The following GRIK1 variants were observed in gnomAD, a reference collection of about 807,000 sequenced individuals.
GRIK1 encodes glutamate ionotropic receptor kainate type subunit 1, also known as glutamate receptor ionotropic, kainate 1.
A neutral mutation model predicts 105.7 loss-of-function variants in GRIK1; 69 were observed. That is an observed-to-expected ratio of 0.65 (90% CI 0.54 to 0.80). The LOEUF (loss-of-function observed/expected upper bound fraction) is 0.80, where lower values mean the gene tolerates loss of function less well. GRIK1 is among the 30% of genes least tolerant of loss of function. The pLI, the probability that GRIK1 is intolerant of heterozygous loss-of-function variation, is 0.00. For synonymous variants in GRIK1, 438 were observed against 431.3 expected, an observed-to-expected ratio of 1.02 and a Z score of -0.19; for missense variants, 1,109 against 1,167.3, an observed-to-expected ratio of 0.95 and a Z score of 0.73.
chr21:29,549,675 A>G lies in GRIK1; in HGVS notation c.2607+5377T>C, dbSNP rs549663207. Among the ~76,000 whole-genome samples, 4 of 150,744 alleles carry G rather than the reference A, an allele frequency of 2.7e-5. No homozygotes were observed. The South Asian group carries it at 8.3e-4, about 31-fold the overall frequency. On this transcript the variant is annotated intron_variant, in intron 16 of 17. Transcript: ENST00000327783. Reference sequence around the variant, plus strand: ...ATGTAAACATAAAGCTTGAAAAAAAAATTGTTTTCCTTTCATATTCAAGTC... The same window carrying G: ...ATGTAAACATAAAGCTTGAAAAAAAGATTGTTTTCCTTTCATATTCAAGTC...
At chr21:29,812,877 C>T (rs552794056) in intron 1 of GRIK1, among the ~76,000 whole-genome samples, 4 of 152,284 alleles carry the variant, frequency 2.6e-5, no homozygotes, top group Non-Finnish European at 4.4e-5. Flanking sequence ...CATTTGACAT[C>T]TCCTTTAAGC....
In GRIK1 at chr21:29,549,785, T is replaced by C. The variant is rs143756350; in HGVS notation, c.2607+5267A>G. 8.3e-3 allele frequency among the ~76,000 whole-genome samples: 1,263 copies of C among 152,200 alleles called. 19 individuals carry two copies. The highest frequency in any genetic ancestry group is 0.029 in the African/African-American group (1,206 of 41,524). On this transcript the variant is annotated intron_variant, in intron 16 of 17. Transcript: ENST00000327783. The stretch of plus-strand genomic sequence containing the variant: ...CATCCATTGACATGATGGCAAGAAC[T>C]GGTTGAGAATCAGTATAAAGGGAGA...
At chr21:29,908,208 ACT>A (rs1305195906) in intron 1 of GRIK1, among the ~76,000 whole-genome samples, 3 of 151,412 alleles carry the variant, frequency 2.0e-5, no homozygotes, top group Non-Finnish European at 4.4e-5. Flanking sequence ...TGCAAATCTT[ACT>A]CTTATAATTT....
At chr21:29,564,187 G>T (rs940814448) in intron 14 of GRIK1, among the ~76,000 whole-genome samples, 3 of 151,496 alleles carry the variant, frequency 2.0e-5, no homozygotes, top group Non-Finnish European at 4.4e-5. Context: ...TCGCTCTGTC[G>T]CCCAGGCTGG....
chr21:29,598,055 G>A (rs924516158), intron 8 of GRIK1, among the ~76,000 whole-genome samples: 2 of 152,120 alleles, frequency 1.3e-5, no homozygotes, highest in African/African-American at 2.4e-5. Flanking sequence ...GATTGCTTTG[G>A]GGGTTTCAAT....
intron 1 of GRIK1, 85 bp downstream of exon 1, chr21:29,939,298 C>G (rs1045571080): frequency 1.0e-5 from 8 of 785,432 alleles, no homozygotes; most frequent in Non-Finnish European, 1.5e-5. Flanking sequence ...CGCCGCCGCG[C>G]GCTGCCTCGC....
intron 1 of GRIK1, among the ~76,000 whole-genome samples, chr21:29,775,666 C>A (rs2065925527): frequency 6.6e-6 from 1 of 152,174 alleles, no homozygotes. Context: ...CAACTGTGTG[C>A]TATTTTGCTG....
At chr21:29,692,358 G>A (rs535069293) in intron 2 of GRIK1, among the ~76,000 whole-genome samples, 44 of 152,296 alleles carry the variant, frequency 2.9e-4, no homozygotes, top group African/African-American at 1.0e-3. Flanking sequence ...AGAGAGCGAT[G>A]AGAGAAAGAA....
chr21:29,614,325 T>C (rs1052656558), intron 7 of GRIK1, among the ~76,000 whole-genome samples: 3 of 151,948 alleles, frequency 2.0e-5, no homozygotes, highest in African/African-American at 7.3e-5. Context: ...TAGTTATAAC[T>C]TGCTTTGTGT....
At chr21:29,614,506 C>T (rs915778862) in intron 7 of GRIK1, among the ~76,000 whole-genome samples, 10 of 146,764 alleles carry the variant, frequency 6.8e-5, no homozygotes, top group East Asian at 6.1e-4. Context: ...CTCTGCCTCC[C>T]GGGTTCAAGC....
chr21:29,830,313 ACACACACACACACACACACACAC>A (rs2067592558), intron 1 of GRIK1, among the ~76,000 whole-genome samples: 1 of 114,602 alleles, frequency 8.7e-6, no homozygotes, highest in African/African-American at 2.8e-5. Context: ...CTCCCCACAC[ACACACACACACACACACACACAC>A]ACACACACAC....
intron 1 of GRIK1, among the ~76,000 whole-genome samples, chr21:29,715,810 A>G (rs1569007536): frequency 6.6e-6 from 1 of 151,950 alleles, no homozygotes; most frequent in Non-Finnish European, 1.5e-5. Flanking sequence ...GGTACTCTAT[A>G]AATGTCAAGC....
At chr21:29,872,192 CTTTTTTTTT>C (rs35165931) in intron 1 of GRIK1, among the ~76,000 whole-genome samples, 1 of 107,684 alleles carries the variant, frequency 9.3e-6, no homozygotes, top group Non-Finnish European at 2.0e-5. Flanking sequence ...GCTCTCACTT[CTTTTTTTTT>C]TTTTTTTTTT....
chr21:29,597,625 G>T (rs1443736079), intron 8 of GRIK1: 1 of 465,782 alleles, frequency 2.1e-6, no homozygotes, highest in Admixed American at 2.4e-5. Flanking sequence ...CTCTATCAGG[G>T]CATGTCAGAC....
chr21:29,577,286 C>A, intron 13 of GRIK1, 105 bp from the exon 14 acceptor site: 2 of 647,982 alleles, frequency 3.1e-6, no homozygotes, highest in South Asian at 2.2e-5. Context: ...AAAGACTTAC[C>A]GTCTTGTAGG....
In GRIK1 at chr21:29,843,579, G is replaced by T. The variant is rs188177228; in HGVS notation, c.118+95804C>A. 3.5e-3 allele frequency among the ~76,000 whole-genome samples: 533 copies of T among 152,178 alleles called. 5 individuals carry two copies. Among genetic ancestry groups the T allele is most frequent in the African/African-American group, 0.012 (509 of 41,514 alleles). ...CCTTATATATTTTTCTTAGGTGAAG[G>T]AGATGTGGATCTGATATTTTAAAGG... On this transcript the variant is annotated intron_variant, in intron 1 of 17. Transcript: ENST00000327783.
intron 1 of GRIK1, among the ~76,000 whole-genome samples, chr21:29,747,943 CCT>C (rs536823259): frequency 6.3e-4 from 96 of 152,320 alleles, no homozygotes; most frequent in African/African-American, 2.1e-3. Flanking sequence ...TTTACAGCAA[CCT>C]TTTTCTCCCT....
At chr21:29,563,435 A>G (rs964785667) in intron 14 of GRIK1, among the ~76,000 whole-genome samples, 2 of 152,102 alleles carry the variant, frequency 1.3e-5, no homozygotes, top group African/African-American at 4.8e-5. Context: ...AATAAACAGT[A>G]CCTTATAGAT....
At chr21:29,913,458 C>T (rs980208136) in intron 1 of GRIK1, among the ~76,000 whole-genome samples, 20 of 151,876 alleles carry the variant, frequency 1.3e-4, no homozygotes, top group South Asian at 2.1e-4. Flanking sequence ...AAAGTATCCA[C>T]GACTTTATGC....
Sources: allele counts gnomAD v4.1 joint callset (sites outside exome capture counted in the v4.1 genomes callset), GRCh38; gene constraint gnomAD v4.1.1; transcripts MANE v1.5; gene names NCBI Gene and HGNC (gene_info 2026-07-23, HGNC 2026-07-21).